The following FHIT variants were observed in gnomAD, a reference collection of about 807,000 sequenced individuals.
FHIT encodes bis(5'-adenosyl)-triphosphatase.
Under a neutral mutation model 17.9 loss-of-function variants are expected in FHIT, and 19 were observed. The observed-to-expected ratio is 1.06, with a 90% CI of 0.74 to 1.56. FHIT has a LOEUF of 1.56. FHIT is among the 40% of genes most tolerant of loss of function. The pLI is 0.00. For synonymous variants in FHIT, 81 were observed against 69.7 expected (o/e 1.16, Z -0.81); for missense variants, 248 against 189.2 (o/e 1.31, Z -1.82).
chr3:60,902,740 A>T (rs1310863381), intron 3 of FHIT, among the ~76,000 whole-genome samples: 1 of 152,186 alleles, frequency 6.6e-6, no homozygotes, highest in Non-Finnish European at 1.5e-5. Context: ...TTCCTAACCT[A>T]GTTTGAGCAC....
intron 5 of FHIT, among the ~76,000 whole-genome samples, chr3:60,279,402 T>C (rs994331793): frequency 2.0e-4 from 30 of 152,158 alleles, no homozygotes; most frequent in African/African-American, 4.8e-4. Context: ...TTTTAAAACA[T>C]TGAATCAATA....
At chr3:60,732,306 T>A (rs1022907447) in intron 4 of FHIT, 12 of 948,032 alleles carry the variant, frequency 1.3e-5, no homozygotes, top group Non-Finnish European at 1.9e-5. Context: ...CATGAAAAAC[T>A]GGGAACCATT....
At chr3:60,020,802 T>G (rs1700525882) in intron 5 of FHIT, among the ~76,000 whole-genome samples, 1 of 152,208 alleles carries the variant, frequency 6.6e-6, no homozygotes, top group South Asian at 2.1e-4. Context: ...TTTATTTGAT[T>G]TAAATAGCAC....
intron 3 of FHIT, among the ~76,000 whole-genome samples, chr3:61,033,370 C>T (rs1338074442): frequency 6.6e-6 from 1 of 152,088 alleles, no homozygotes; most frequent in African/African-American, 2.4e-5. Context: ...CAAATTCAGA[C>T]ATGGTGTAAG....
At chr3:59,769,416 G>T (rs920270135) in intron 8 of FHIT, among the ~76,000 whole-genome samples, 1 of 152,148 alleles carries the variant, frequency 6.6e-6, no homozygotes, top group Non-Finnish European at 1.5e-5. Context: ...AGAAGGCTTG[G>T]CTGGACGCCT....
At chr3:60,655,391 C>T (rs973851069) in intron 4 of FHIT, among the ~76,000 whole-genome samples, 3 of 152,256 alleles carry the variant, frequency 2.0e-5, no homozygotes, top group South Asian at 4.2e-4. Context: ...AAAACAACAA[C>T]GCATAATTGA....
At chr3:60,419,787 T>G (rs2107259297) in intron 5 of FHIT, among the ~76,000 whole-genome samples, 1 of 152,342 alleles carries the variant, frequency 6.6e-6, no homozygotes, top group Non-Finnish European at 1.5e-5. Context: ...AGCTGGAATC[T>G]TTAAAAAGGT....
chr3:60,951,712 G>A (rs552826815), intron 3 of FHIT, among the ~76,000 whole-genome samples: 1 of 150,578 alleles, frequency 6.6e-6, no homozygotes, highest in South Asian at 2.1e-4. Context: ...GCTAAAAGAT[G>A]TAAGAAAAAC....
rs571673677 is a variant in FHIT, at chr3:60,253,270, A to G, written c.104-239118T>C. On this transcript the variant is annotated intron_variant, in intron 5 of 9. Coordinates refer to ENST00000492590, the MANE Select transcript of FHIT (RefSeq NM_002012.4). ...ATCACCAATTAATGTCAGAAAAGGA[A>G]GATCTGTCATGATATTCTGAATCGA... is the stretch of plus-strand genomic sequence containing the variant. Among the ~76,000 whole-genome samples, 6 of 152,300 alleles carry G rather than the reference A, an allele frequency of 3.9e-5. No homozygotes were observed. The South Asian group carries it at 1.2e-3, about 32-fold the overall frequency.
chr3:60,920,650 T>G (rs1412143293), intron 3 of FHIT, among the ~76,000 whole-genome samples: 1 of 152,102 alleles, frequency 6.6e-6, no homozygotes, highest in Non-Finnish European at 1.5e-5. Context: ...ACCTCCTGGA[T>G]TCAACATATT....
At chr3:60,596,693 T>G (rs1392535986) in intron 4 of FHIT, among the ~76,000 whole-genome samples, 1 of 152,086 alleles carries the variant, frequency 6.6e-6, no homozygotes, top group African/African-American at 2.4e-5. Flanking sequence ...TCATCCACCT[T>G]TATATCTCCA....
chr3:61,160,799 GTCTTTAATGCATTTC>G lies in FHIT; in HGVS notation c.-164+39803_-164+39817del, dbSNP rs2037667084. Among the ~76,000 whole-genome samples, 6 of 152,234 alleles carry G rather than the reference GTCTTTAATGCATTTC, an allele frequency of 3.9e-5. No homozygotes were observed. In the South Asian group the frequency reaches 1.2e-3, roughly 32 times the overall value. On this transcript the variant is annotated intron_variant, in intron 2 of 9. Transcript: ENST00000492590. ...TCTTTTGCCTTTTATTTTCCCTATG[GTCTTTAATGCATTTC>G]TCTTTGGAATGGATGAAGTTATAAA...
intron 5 of FHIT, among the ~76,000 whole-genome samples, chr3:60,475,657 G>A (rs9826530): frequency 0.29 from 44,353 of 152,100 alleles, 6,961 homozygotes; most frequent in East Asian, 0.54. Context: ...GGGCCAATCA[G>A]CCAACTTGCT....
At chr3:61,208,604 A>T (rs1560075808) in intron 1 of FHIT, among the ~76,000 whole-genome samples, 1 of 152,090 alleles carries the variant, frequency 6.6e-6, no homozygotes, top group Non-Finnish European at 1.5e-5. Flanking sequence ...TTGTTGGTTT[A>T]AAGACTGTTT....
At chr3:60,057,134 A>T (rs1428076803) in intron 5 of FHIT, among the ~76,000 whole-genome samples, 1 of 152,190 alleles carries the variant, frequency 6.6e-6, no homozygotes, top group Non-Finnish European at 1.5e-5. Context: ...AGTGGGATTC[A>T]CTTTGTGAAC....
At chr3:61,038,637 A>G (rs929446010) in intron 3 of FHIT, among the ~76,000 whole-genome samples, 2 of 152,232 alleles carry the variant, frequency 1.3e-5, no homozygotes, top group African/African-American at 4.8e-5. Context: ...AAAAATGCCC[A>G]TATTTGTTAC....
intron 1 of FHIT, among the ~76,000 whole-genome samples, chr3:61,242,184 G>T (rs2040388966): frequency 6.6e-6 from 1 of 152,080 alleles, no homozygotes. Context: ...CCAAAGGAAA[G>T]GGTCTGAAAG....
At chr3:60,163,990 C>T (rs529633718) in intron 5 of FHIT, among the ~76,000 whole-genome samples, 10 of 152,262 alleles carry the variant, frequency 6.6e-5, no homozygotes, top group African/African-American at 2.4e-4. Flanking sequence ...ACAGTGCTGG[C>T]TTCTGCTCAC....
intron 3 of FHIT, among the ~76,000 whole-genome samples, chr3:60,877,511 T>G (rs1246320933): frequency 6.6e-6 from 1 of 152,206 alleles, no homozygotes; most frequent in Non-Finnish European, 1.5e-5. Flanking sequence ...TCTAGGGGTC[T>G]GAGCCAAAAT....
Sources: allele counts gnomAD v4.1 joint callset (sites outside exome capture counted in the v4.1 genomes callset), GRCh38; gene constraint gnomAD v4.1.1; transcripts MANE v1.5; gene names NCBI Gene and HGNC (gene_info 2026-07-23, HGNC 2026-07-21).